CDHR2: variants seen among roughly 807,000 people sequenced by gnomAD.
The protein encoded by CDHR2 is cadherin-related family member 2.
Under a neutral mutation model 138.6 loss-of-function variants are expected in CDHR2, and 104 were observed. That is an observed-to-expected ratio of 0.75 (90% confidence interval 0.64 to 0.88). The LOEUF is 0.88. Ranked by LOEUF, CDHR2 falls within the 40% of genes least tolerant of loss-of-function variation. The probability of loss-of-function intolerance (pLI) is 0.00; values close to 1 mark genes in which losing one functional copy is unlikely to be tolerated. For synonymous variants in CDHR2, 755 were observed against 742.8 expected (o/e 1.02, Z -0.27); for missense variants, 1,624 against 1,727.6 (o/e 0.94, Z 1.06).
At chr5:176,561,710 A>G (rs62404681) in intron 1 of CDHR2, among the ~76,000 whole-genome samples, 68,471 of 147,460 alleles carry the variant, frequency 0.46, 16,311 homozygotes, top group Admixed American at 0.54. Flanking sequence ...CATGATCTCG[A>G]CTCATTGCAA....
chr5:176,547,838 G>C (rs1757619410), upstream of CDHR2: 2 of 152,158 alleles, frequency 1.3e-5, no homozygotes, highest in Non-Finnish European at 2.9e-5. Context: ...TATAAATTTT[G>C]TTACTATGTT....
Position 176,576,213 on chromosome 5 carries a change from G to A in CDHR2, c.1194+28G>A. 1 of 1,552,206 alleles carries A rather than the reference G, an allele frequency of 6.4e-7. No individual in the cohort carries two copies. The highest frequency in any genetic ancestry group is 8.8e-7 in the Non-Finnish European group (1 of 1,137,380). ...AGGCGTGGTGGCGTGGGTGTGGGCG[G>A]GGGTGGCTGGGGGAGGCCAGTGGGA... On this transcript the variant is annotated intron_variant, in intron 12 of 31. Coordinates refer to ENST00000261944, the MANE Select transcript of CDHR2 (RefSeq NM_017675.6). This position sits in a 1 kb window ranked among gnomAD's most constrained non-coding sequence, Gnocchi z 4.5.
rs537232646 is a variant in CDHR2, at chr5:176,542,676, G to C, written c.-109G>C. 2.6e-5 allele frequency: 4 copies of C among 152,294 alleles called. No homozygotes were observed. In the South Asian group the frequency reaches 6.2e-4, roughly 24 times the overall value. 9.4% of individuals were successfully genotyped at this position (152,294 alleles called of 1,614,324 possible). A position where few individuals can be genotyped will look rare whatever the true frequency, so the allele number is the denominator to read the frequency against. ...CCAGCCCCCGGCACCAGCTCGACTCGAGCTTAGTGGCTTTCAGGCAACGGA... is the reference window on the plus strand; with the variant it reads ...CCAGCCCCCGGCACCAGCTCGACTCCAGCTTAGTGGCTTTCAGGCAACGGA... On this transcript the variant is annotated 5_prime_UTR_variant, in exon 1 of 32. Transcript: ENST00000510636.
At chr5:176,555,723 A>G (rs1307869382) in intron 1 of CDHR2, among the ~76,000 whole-genome samples, 1 of 152,042 alleles carries the variant, frequency 6.6e-6, no homozygotes, top group African/African-American at 2.4e-5. Context: ...CCTGGCCAAC[A>G]TGGCAAAACC....
intron 21 of CDHR2, among the ~76,000 whole-genome samples, chr5:176,588,399 G>A (rs1361982055): frequency 1.7e-5 from 2 of 118,420 alleles, no homozygotes; most frequent in Non-Finnish European, 3.8e-5. Context: ...TGTGGTGAGT[G>A]CATGAGAGAG....
At chr5:176,581,206 G>T in intron 16 of CDHR2, 137 bp from the exon 17 acceptor site, 3 of 1,138,796 alleles carry the variant, frequency 2.6e-6, no homozygotes, top group South Asian at 1.6e-5. Context: ...AACTGGGGCT[G>T]GGAGATGGGC....
At chr5:176,580,565 G>T (rs1040543781) in intron 16 of CDHR2, among the ~76,000 whole-genome samples, 25 of 150,524 alleles carry the variant, frequency 1.7e-4, no homozygotes, top group African/African-American at 5.8e-4. Flanking sequence ...AGAAAAAAAA[G>T]AAAACAAAAC....
chr5:176,550,477 G>A (rs927629380), intron 1 of CDHR2, among the ~76,000 whole-genome samples: 2 of 152,180 alleles, frequency 1.3e-5, no homozygotes, highest in Non-Finnish European at 2.9e-5. Flanking sequence ...CTGGATCAAC[G>A]GAGCCCAGAC....
At chr5:176,558,063 G>A (rs115338676) in intron 1 of CDHR2, among the ~76,000 whole-genome samples, 2,374 of 152,090 alleles carry the variant, frequency 0.016, 56 homozygotes, top group African/African-American at 0.053. Context: ...AGCCCATCAC[G>A]CTTCCCCAGC....
At chr5:176,572,173 C>A (rs540047513) in intron 6 of CDHR2, among the ~76,000 whole-genome samples, 1 of 149,330 alleles carries the variant, frequency 6.7e-6, no homozygotes, top group African/African-American at 2.5e-5. Context: ...CACCTGAGGT[C>A]GGGAGTTGGA....
In CDHR2 at chr5:176,568,668, C is replaced by G; in HGVS notation, c.125-10C>G. On this transcript the variant is annotated splice_polypyrimidine_tract_variant and intron_variant, in intron 3 of 31. Transcript: ENST00000261944. ...CTGTGGACCCTGGGTGGCCCCTGTC[C>G]CATCCCCAGGTGCCCAGGCCTTCTG... The G allele has an allele frequency of 6.2e-7, 1 of 1,613,560 alleles. No individual in the cohort carries two copies. The highest frequency in any genetic ancestry group is 8.5e-7 in the Non-Finnish European group (1 of 1,179,658).
Position 176,578,621 on chromosome 5 carries a change from C to A in CDHR2, c.1818+13C>A. On this transcript the variant is annotated intron_variant, in intron 16 of 31. Coordinates refer to ENST00000261944, the MANE Select transcript of CDHR2 (RefSeq NM_017675.6). ...CGTGACCATCCAGGTGTGAGCCTGC[C>A]TGGACCTGGTGGGTAAGGCTGGGGG... 1 of 1,606,958 alleles carries A rather than the reference C, an allele frequency of 6.2e-7. No individual in the cohort carries two copies.
rs562503659 is a variant in CDHR2 at position 176,568,563 on chromosome 5, A to G, written c.125-115A>G. On this transcript the variant is annotated intron_variant, in intron 3 of 31. Coordinates refer to ENST00000261944, the MANE Select transcript of CDHR2 (RefSeq NM_017675.6). Reference sequence around the variant, plus strand: ...ATGGTTGGGGAGGTCCCAGATGGCAAGTCAAGCCTGTGTACAGGGCAGCCA... The same window carrying G: ...ATGGTTGGGGAGGTCCCAGATGGCAGGTCAAGCCTGTGTACAGGGCAGCCA... The G allele has an allele frequency of 2.2e-5, 26 of 1,182,634 alleles. No homozygotes were observed. The South Asian group carries it at 3.8e-4, about 17-fold the overall frequency. 73.3% of individuals were successfully genotyped at this position (1,182,634 alleles called of 1,614,324 possible).
chr5:176,578,225 A>G, intron 15 of CDHR2, 130 bp downstream of exon 15: 1 of 1,219,374 alleles, frequency 8.2e-7, no homozygotes, highest in East Asian at 2.5e-5. Flanking sequence ...TCAGATAAAC[A>G]AGGAATGACT....
chr5:176,577,791 G>A lies in CDHR2; in HGVS notation c.1505G>A (p.Ser502Asn). Residue 502 changes from serine to asparagine, a missense_variant, in exon 14 of 32, where the codon AGC becomes AAC. By Grantham distance (46) the Ser-to-Asn change is conservative. This residue lies in a region of CDHR2 where 1,061 missense variants were observed against 1,136.6 expected (regional missense o/e 0.93). Transcript: ENST00000261944. Reference protein sequence around the residue: ...HSATGSVVTDSIHATDPDTGA... With the variant: ...HSATGSVVTDNIHATDPDTGA... ...GCCACCGGCTCTGTGGTCACCGACA[G>A]CATCCACGTGAGTGATGTGGACACA... 1 of 1,614,008 alleles carries A rather than the reference G, an allele frequency of 6.2e-7. No homozygotes were observed. The highest frequency in any genetic ancestry group is 2.2e-5 in the East Asian group (1 of 44,870).
At chr5:176,575,678 G>A in intron 10 of CDHR2, 46 bp from the exon 11 acceptor site, 1 of 1,596,994 alleles carries the variant, frequency 6.3e-7, no homozygotes, top group Non-Finnish European at 8.6e-7. Flanking sequence ...CTCCGTCAGA[G>A]CCACTGGAGC....
intron 3 of CDHR2, among the ~76,000 whole-genome samples, chr5:176,567,713 G>C (rs553540468): frequency 1.3e-5 from 2 of 151,538 alleles, no homozygotes; most frequent in East Asian, 3.9e-4. Flanking sequence ...AGCTGGTTTC[G>C]AGCTCCTGAT....
chr5:176,570,381 T>A (rs889990199), intron 5 of CDHR2, among the ~76,000 whole-genome samples: 4 of 152,240 alleles, frequency 2.6e-5, no homozygotes, highest in African/African-American at 9.6e-5. Flanking sequence ...AGGATCTTAC[T>A]CTTGCCCAGG....
rs1757671638 is a variant in CDHR2, at chr5:176,550,036, T to C, written c.-16+622T>C. Among the ~76,000 whole-genome samples the C allele has an allele frequency of 2.6e-5, 4 of 152,138 alleles. No individual in the cohort carries two copies. The South Asian group carries it at 8.3e-4, about 32-fold the overall frequency. On this transcript the variant is annotated intron_variant, in intron 1 of 31. Coordinates refer to ENST00000261944, the MANE Select transcript of CDHR2 (RefSeq NM_017675.6). ...CTGCCCAGTCCGGGCCTTGCACATC[T>C]CTCTGCCCTGGTAGAGGAGGTGGTG...
Sources: allele counts gnomAD v4.1 joint callset (sites outside exome capture counted in the v4.1 genomes callset), GRCh38; gene constraint gnomAD v4.1.1; regional missense constraint gnomAD v4.1.1; non-coding constraint Gnocchi (gnomAD v3.1); transcripts MANE v1.5; gene names NCBI Gene and HGNC (gene_info 2026-07-23, HGNC 2026-07-21).